Variants in TEX9 observed in about 807,000 individuals in gnomAD.
TEX9 encodes testis-expressed protein 9.
A neutral mutation model predicts 59.6 loss-of-function variants in TEX9; 74 were observed. The ratio of observed to expected loss-of-function variants is 1.24; its 90% CI spans 1.03 to 1.51. TEX9 has a LOEUF of 1.51. Among genes scored for constraint, TEX9 ranks in the 40% most tolerant of loss-of-function variants. The pLI is 0.00. For missense variants in TEX9, 522 were observed against 447.8 expected (o/e 1.17, Z -1.49); for synonymous variants, 186 against 152.2 (o/e 1.22, Z -1.64).
intron 1 of TEX9, among the ~76,000 whole-genome samples, chr15:56,341,204 T>C (rs1389993610): frequency 1.3e-5 from 2 of 152,142 alleles, no homozygotes; most frequent in Non-Finnish European, 2.9e-5. Flanking sequence ...CATTTAGCCT[T>C]TTTTTTCCTT....
chr15:56,342,054 T>C (rs1188325511), intron 1 of TEX9, among the ~76,000 whole-genome samples: 1 of 152,146 alleles, frequency 6.6e-6, no homozygotes, highest in African/African-American at 2.4e-5. Flanking sequence ...TTCTTGCTAA[T>C]CCCTTTGATG....
At chr15:56,362,561 T>A (rs1477434475), upstream of TEX9, among the ~76,000 whole-genome samples, 4 of 152,256 alleles carry the variant, frequency 2.6e-5, no homozygotes, top group Admixed American at 6.5e-5. Flanking sequence ...CTTGAGTGAT[T>A]TATTTCACAT....
chr15:56,362,131 G>A (rs1458257019), upstream of TEX9, among the ~76,000 whole-genome samples: 2 of 152,176 alleles, frequency 1.3e-5, no homozygotes, highest in Non-Finnish European at 2.9e-5. Context: ...GTATTCTGCT[G>A]TTATTGAAAT....
At chr15:56,394,859 C>T (rs1035188288) in intron 9 of TEX9, 25 bp downstream of exon 9, 44 of 1,590,854 alleles carry the variant, frequency 2.8e-5, no homozygotes, top group Non-Finnish European at 3.8e-5. Context: ...TTTTTCCTAA[C>T]TTAATGCCAC....
intron 3 of TEX9, among the ~76,000 whole-genome samples, chr15:56,377,420 C>T (rs1364279770): frequency 6.6e-6 from 1 of 152,034 alleles, no homozygotes; most frequent in Non-Finnish European, 1.5e-5. Context: ...GTGTCCTCTT[C>T]AATTTCTTGC....
At chr15:56,311,548 G>T in intron 1 of TEX9, among the ~76,000 whole-genome samples, 1 of 131,354 alleles carries the variant, frequency 7.6e-6, no homozygotes, top group African/African-American at 2.9e-5. Flanking sequence ...TATCATTGTT[G>T]GACATTTGGG....
At chr15:56,427,513 G>C (rs1314916923) in intron 10 of TEX9, 92 bp from the exon 11 acceptor site, 2 of 858,368 alleles carry the variant, frequency 2.3e-6, no homozygotes, top group African/African-American at 3.6e-5. Context: ...GTTTAAGAAA[G>C]TACTTTTTAT....
upstream of TEX9, among the ~76,000 whole-genome samples, chr15:56,365,216 T>C (rs1265872502): frequency 6.6e-6 from 1 of 152,170 alleles, no homozygotes; most frequent in African/African-American, 2.4e-5. Flanking sequence ...CCCCCACAAG[T>C]TGAGAATTTG....
chr15:56,324,252 TA>T (rs1338267877), intron 1 of TEX9, among the ~76,000 whole-genome samples: 3 of 150,980 alleles, frequency 2.0e-5, no homozygotes, highest in Non-Finnish European at 3.0e-5. Context: ...TTTTATCCGT[TA>T]AAAAAAAAGA....
the TEX9 span, among the ~76,000 whole-genome samples, chr15:56,455,586 T>C: frequency 6.6e-6 from 1 of 152,184 alleles, no homozygotes; most frequent in Non-Finnish European, 1.5e-5. Flanking sequence ...TACATAAGTA[T>C]ATGATTAGCA....
chr15:56,428,458 G>T, exon 12 of TEX9: 1 of 1,589,328 alleles, frequency 6.3e-7, no homozygotes. Flanking sequence ...ATCTACTTCA[G>T]TTAGTCTCTA....
rs1235960381 is a variant in TEX9 at position 56,253,499 on chromosome 15, C to T, written c.-107+9221C>T. 3.3e-5 allele frequency among the ~76,000 whole-genome samples: 5 copies of T among 152,104 alleles called. No homozygotes were observed. In the East Asian group the frequency reaches 9.6e-4, roughly 29 times the overall value. On this transcript the variant is annotated intron_variant, in intron 1 of 5. Coordinates refer to the TEX9 transcript ENST00000560827. Reference sequence around the variant, plus strand: ...TTTAAACACGTATCCCTTCTGAGGTCCCTAAAGAAAGCCAAATGACACTAG... The same window carrying T: ...TTTAAACACGTATCCCTTCTGAGGTTCCTAAAGAAAGCCAAATGACACTAG...
chr15:56,449,757 AT>A (rs1332818057), downstream of TEX9, among the ~76,000 whole-genome samples: 2 of 152,166 alleles, frequency 1.3e-5, no homozygotes, highest in East Asian at 3.8e-4. Context: ...ACATTTAGCT[AT>A]TTCTTCTTGT....
intron 1 of TEX9, among the ~76,000 whole-genome samples, chr15:56,260,173 T>G (rs1278749347): frequency 6.6e-6 from 1 of 152,148 alleles, no homozygotes; most frequent in African/African-American, 2.4e-5. Context: ...TTTACAATCA[T>G]GTCATCTGAA....
chr15:56,413,861 G>A (rs1230922325), intron 10 of TEX9, among the ~76,000 whole-genome samples: 1 of 151,722 alleles, frequency 6.6e-6, no homozygotes, highest in Non-Finnish European at 1.5e-5. Flanking sequence ...ATGTTTGAGA[G>A]GCAAATATGT....
At chr15:56,249,290 A>G (rs1382372735) in intron 1 of TEX9, among the ~76,000 whole-genome samples, 4 of 152,314 alleles carry the variant, frequency 2.6e-5, no homozygotes, top group African/African-American at 7.2e-5. Context: ...AGGGGGCACC[A>G]TTCACATTTT....
chr15:56,404,982 G>GA lies in TEX9; in HGVS notation c.829-7320_829-7319insA, dbSNP rs1344474308. The stretch of plus-strand genomic sequence containing the variant: ...AACATCACACACCAGGGCCTGTCTG[G>GA]CGCTAGGGAGCTGGCAGGGGGATTG... On this transcript the variant is annotated intron_variant, in intron 9 of 12. Transcript: ENST00000352903. 3.3e-5 allele frequency among the ~76,000 whole-genome samples: 5 copies of GA among 152,226 alleles called. No individual in the cohort carries two copies. The East Asian group carries it at 9.7e-4, about 29-fold the overall frequency.
chr15:56,332,356 A>G (rs2141774626), intron 1 of TEX9, among the ~76,000 whole-genome samples: 1 of 151,574 alleles, frequency 6.6e-6, no homozygotes, highest in Non-Finnish European at 1.5e-5. Context: ...ATTCTCAGTA[A>G]ACTATCGCAA....
intron 1 of TEX9, among the ~76,000 whole-genome samples, chr15:56,318,855 A>T (rs892881823): frequency 1.3e-5 from 2 of 152,092 alleles, no homozygotes; most frequent in African/African-American, 4.8e-5. Flanking sequence ...ACATGTCATT[A>T]TATTATAAAC....
Sources: gnomAD v4.1 joint callset for allele counts (sites outside exome capture counted in the v4.1 genomes callset) on GRCh38, gnomAD v4.1.1 for gene constraint, MANE v1.5 for transcripts, NCBI Gene and HGNC (gene_info 2026-07-23, HGNC 2026-07-21) for gene names.